Variants in MCOLN2 observed in about 807,000 individuals in gnomAD.
The protein encoded by MCOLN2 is mucolipin TRP cation channel 2, also known as mucolipin-2.
A neutral mutation model predicts 67.5 loss-of-function variants in MCOLN2; 57 were observed. The ratio of observed to expected loss-of-function variants is 0.84; its 90% CI spans 0.68 to 1.05. The LOEUF (loss-of-function observed/expected upper bound fraction) is 1.05, where lower values mean the gene tolerates loss of function less well. Ranked by LOEUF, MCOLN2 falls within the 50% of genes least tolerant of loss-of-function variation. MCOLN2 has a pLI of 0.00. For synonymous variants in MCOLN2, 246 were observed against 233.3 expected, an observed-to-expected ratio of 1.05 and a Z score of -0.50; for missense variants, 620 against 678.8, an observed-to-expected ratio of 0.91 and a Z score of 0.96.
chr1:84,948,367 A>G (rs1224282700), intron 6 of MCOLN2, among the ~76,000 whole-genome samples: 1 of 152,244 alleles, frequency 6.6e-6, no homozygotes. Context: ...CATGGACACC[A>G]TACTACTGAG....
intron 1 of MCOLN2, among the ~76,000 whole-genome samples, chr1:84,988,540 C>T (rs1331774122): frequency 6.6e-6 from 1 of 151,988 alleles, no homozygotes; most frequent in African/African-American, 2.4e-5. Flanking sequence ...CCTTTGTATT[C>T]AATTCTCACA....
At chr1:84,949,505 G>A (rs532200117) in intron 6 of MCOLN2, among the ~76,000 whole-genome samples, 14 of 152,300 alleles carry the variant, frequency 9.2e-5, no homozygotes, top group East Asian at 1.9e-4. Flanking sequence ...GCTGGGCGTG[G>A]TGGCAGGTGC....
chr1:84,991,618 C>A (rs760831267), intron 1 of MCOLN2, among the ~76,000 whole-genome samples: 2 of 152,236 alleles, frequency 1.3e-5, no homozygotes, highest in East Asian at 3.9e-4. Flanking sequence ...GCCATAGGGG[C>A]TTTTCATTTT....
chr1:84,973,928 C>A (rs75236845), intron 1 of MCOLN2, among the ~76,000 whole-genome samples: 2 of 152,176 alleles, frequency 1.3e-5, no homozygotes, highest in East Asian at 3.9e-4. Context: ...GCACTGATAC[C>A]ACCCTTCCCC....
intron 7 of MCOLN2, among the ~76,000 whole-genome samples, chr1:84,943,473 G>A (rs943951437): frequency 1.3e-5 from 2 of 152,074 alleles, no homozygotes; most frequent in East Asian, 3.9e-4. Context: ...GGAGCAGAAA[G>A]GCCAGAGGAG....
At chr1:84,941,652 CTCTG>C (rs1647791399) in intron 7 of MCOLN2, among the ~76,000 whole-genome samples, 1 of 152,186 alleles carries the variant, frequency 6.6e-6, no homozygotes, top group Non-Finnish European at 1.5e-5. Context: ...TGCTGACCTA[CTCTG>C]AGTTCTTTCA....
At chr1:84,943,936 T>C (rs1045364312) in intron 7 of MCOLN2, among the ~76,000 whole-genome samples, 2 of 152,172 alleles carry the variant, frequency 1.3e-5, no homozygotes, top group African/African-American at 2.4e-5. Context: ...CTTAGCTCTA[T>C]CATAATGCAA....
chr1:84,970,515 C>CGAAA (rs1553157290), intron 1 of MCOLN2, among the ~76,000 whole-genome samples: 3 of 104,856 alleles, frequency 2.9e-5, no homozygotes, highest in African/African-American at 1.0e-4. Flanking sequence ...ACTAAAAATA[C>CGAAA]AAAAAAAAAA....
At chr1:84,949,792 A>C (rs1648318937) in intron 6 of MCOLN2, among the ~76,000 whole-genome samples, 4 of 152,150 alleles carry the variant, frequency 2.6e-5, no homozygotes, top group Admixed American at 2.6e-4. Context: ...TAAAGAAAAA[A>C]AAAAACAACA....
rs184070635 is a variant in MCOLN2, at chr1:84,970,527, A to G, written c.78-4819T>C. Reference sequence around the variant, plus strand: ...TCTACTAAAAATACAAAAAAAAAAAAAAAATAACAGGCATGTGTGGTGGCA... The same window carrying G: ...TCTACTAAAAATACAAAAAAAAAAAGAAAATAACAGGCATGTGTGGTGGCA... On this transcript the variant is annotated intron_variant, in intron 1 of 13. Coordinates refer to ENST00000370608, the MANE Select transcript of MCOLN2 (RefSeq NM_153259.4). Among the ~76,000 whole-genome samples, 1,016 of 151,910 alleles carry G rather than the reference A, an allele frequency of 6.7e-3. 8 individuals are homozygous for G. Among genetic ancestry groups the G allele is most frequent in the Admixed American group, 5.7e-3 (87 of 15,258 alleles).
rs1225674292 is a variant in MCOLN2, at chr1:84,985,492, ATC to A, written c.77+11302_77+11303del. On this transcript the variant is annotated intron_variant, in intron 1 of 13. Transcript: ENST00000370608. ...GTTTCCATATTTGCATCTCCAGCAAATCTCTCTCTTGAGCAGACTTCCTTATC... is the reference window on the plus strand; with the variant it reads ...GTTTCCATATTTGCATCTCCAGCAAATCTCTCTTGAGCAGACTTCCTTATC... Among the ~76,000 whole-genome samples, 7 of 152,066 alleles carry A rather than the reference ATC, an allele frequency of 4.6e-5. No homozygotes were observed. In the East Asian group the frequency reaches 1.4e-3, roughly 29 times the overall value.
intron 4 of MCOLN2, among the ~76,000 whole-genome samples, chr1:84,954,094 A>C (rs1315469175): frequency 6.6e-6 from 1 of 152,246 alleles, no homozygotes; most frequent in Non-Finnish European, 1.5e-5. Context: ...GATCAAGAGC[A>C]CAACTTTATT....
At chr1:84,931,201 G>A (rs1661385209) in intron 12 of MCOLN2, among the ~76,000 whole-genome samples, 161 bp downstream of exon 12, 1 of 152,062 alleles carries the variant, frequency 6.6e-6, no homozygotes, top group South Asian at 2.1e-4. Context: ...GTGGGTAACA[G>A]GGACAATGCC....
At chr1:84,994,875 C>A (rs1192840594) in intron 1 of MCOLN2, among the ~76,000 whole-genome samples, 1 of 152,172 alleles carries the variant, frequency 6.6e-6, no homozygotes, top group Non-Finnish European at 1.5e-5. Context: ...TTTCAACATA[C>A]CTTCCTCACT....
chr1:84,977,114 A>G (rs903189288), intron 1 of MCOLN2, among the ~76,000 whole-genome samples: 6 of 143,170 alleles, frequency 4.2e-5, no homozygotes, highest in Admixed American at 7.0e-5. Flanking sequence ...GTTAAGGCAT[A>G]GAGTTTTTAT....
At chr1:84,991,053 T>A (rs1650865720) in intron 1 of MCOLN2, among the ~76,000 whole-genome samples, 1 of 152,204 alleles carries the variant, frequency 6.6e-6, no homozygotes, top group African/African-American at 2.4e-5. Flanking sequence ...TTATAGGTAA[T>A]CTTAATTTTC....
chr1:84,991,152 A>C (rs747701450), intron 1 of MCOLN2, among the ~76,000 whole-genome samples: 1 of 152,208 alleles, frequency 6.6e-6, no homozygotes, highest in South Asian at 2.1e-4. Flanking sequence ...GGCCATTTCA[A>C]AAAGAAAGAG....
In MCOLN2 at chr1:84,989,434, C is replaced by T. The variant is rs573125370; in HGVS notation, c.77+7362G>A. Among the ~76,000 whole-genome samples the T allele has an allele frequency of 1.5e-4, 23 of 152,170 alleles. 1 individual carries two copies. In the South Asian group the frequency reaches 4.6e-3, roughly 30 times the overall value. On this transcript the variant is annotated intron_variant, in intron 1 of 13. Coordinates refer to ENST00000370608, the MANE Select transcript of MCOLN2 (RefSeq NM_153259.4). ...TTGCCTGGTTTGCTGATGATAGAAACCCTACTTTGTTTTACTCATTATTCC... is the reference window on the plus strand; with the variant it reads ...TTGCCTGGTTTGCTGATGATAGAAATCCTACTTTGTTTTACTCATTATTCC...
In MCOLN2 at chr1:84,939,539, T is replaced by C. The variant is rs1647626641; in HGVS notation, c.1110+14A>G. 3 of 1,612,884 alleles carry C rather than the reference T, an allele frequency of 1.9e-6. No individual in the cohort carries two copies. Among genetic ancestry groups the C allele is most frequent in the East Asian group, 4.5e-5 (2 of 44,856 alleles). On this transcript the variant is annotated intron_variant, in intron 9 of 13. Coordinates refer to ENST00000370608, the MANE Select transcript of MCOLN2 (RefSeq NM_153259.4). ...GAAGATGAAGAACAGAGACTTTAAA[T>C]GGGCTTCCCTCACCTTTGCTTTGAT... is the stretch of plus-strand genomic sequence containing the variant.
Sources: allele counts gnomAD v4.1 joint callset (sites outside exome capture counted in the v4.1 genomes callset), GRCh38; gene constraint gnomAD v4.1.1; transcripts MANE v1.5; gene names NCBI Gene and HGNC (gene_info 2026-07-23, HGNC 2026-07-21).